The following CDK13 variants were observed in gnomAD, a reference collection of about 807,000 sequenced individuals.
CDK13 encodes cyclin dependent kinase 13.
Under a neutral mutation model 137.6 loss-of-function variants are expected in CDK13, and 40 were observed. The observed-to-expected ratio is 0.29, with a 90% CI of 0.23 to 0.38. CDK13 has a LOEUF of 0.38. CDK13 is among the 10% of genes least tolerant of loss of function. CDK13 has a pLI of 1.00. For synonymous variants in CDK13, 869 were observed against 760.1 expected, an observed-to-expected ratio of 1.14 and a Z score of -2.36; for missense variants, 1,704 against 1,951.8, an observed-to-expected ratio of 0.87 and a Z score of 2.39.
intron 1 of CDK13, among the ~76,000 whole-genome samples, chr7:39,955,552 C>T (rs142992483): frequency 1.3e-5 from 2 of 152,048 alleles, no homozygotes; most frequent in East Asian, 1.9e-4. Context: ...CACATAATGA[C>T]CTGTTTTGGT....
rs770903178 is a variant in CDK13, at chr7:39,951,652, C to T, written c.1011C>T (p.Ser337=). The change falls in exon 1 of 14, where the codon AGC becomes AGT. Residue 337 remains serine (S), a synonymous_variant. Transcript: ENST00000181839. ...VSHRASQSLR[S]RKSPSPAGGG... is the part of the protein sequence containing the mutation. ...ACAGGGCCTCTCAGAGCCTGAGGAG[C>T]CGCAAGTCCCCCAGCCCGGCAGGAG... The T allele has an allele frequency of 9.3e-5, 138 of 1,477,472 alleles. No individual in the cohort carries two copies. The highest frequency in any genetic ancestry group is 1.1e-4 in the Non-Finnish European group (120 of 1,118,696). The allele number at this position is 1,477,472 out of a possible 1,614,324, so 91.5% of individuals were successfully genotyped here.
intron 5 of CDK13, among the ~76,000 whole-genome samples, chr7:40,036,000 A>G (rs545859904): frequency 6.6e-6 from 1 of 151,986 alleles, no homozygotes; most frequent in South Asian, 2.1e-4. Context: ...TCGTCTCTAT[A>G]AAAAATTACA....
At chr7:40,066,420 A>G (rs1786280101) in intron 9 of CDK13, among the ~76,000 whole-genome samples, 2 of 152,212 alleles carry the variant, frequency 1.3e-5, no homozygotes, top group African/African-American at 4.8e-5. Context: ...GGCAAGCTGA[A>G]TGCTTGTAGC....
intron 1 of CDK13, among the ~76,000 whole-genome samples, chr7:39,962,268 C>T (rs935073950): frequency 1.5e-4 from 23 of 152,156 alleles, no homozygotes; most frequent in Non-Finnish European, 2.8e-4. Flanking sequence ...TAAAAGTGTT[C>T]CTATTTCTCC....
At chr7:39,991,610 T>C (rs1784456957) in intron 2 of CDK13, among the ~76,000 whole-genome samples, 1 of 152,000 alleles carries the variant, frequency 6.6e-6, no homozygotes, top group Non-Finnish European at 1.5e-5. Flanking sequence ...TCCCCTTCCC[T>C]CATAAATTCT....
intron 1 of CDK13, chr7:39,984,003 G>C (rs1188620288): frequency 6.6e-6 from 1 of 152,122 alleles, no homozygotes; most frequent in South Asian, 2.1e-4. Context: ...TTTTGAAAGA[G>C]GGGGGTAGAT....
intron 11 of CDK13, 23 bp downstream of exon 11, chr7:40,078,874 A>T (rs1786602863): frequency 1.1e-6 from 1 of 874,336 alleles, no homozygotes; most frequent in African/African-American, 1.8e-5. Flanking sequence ...TTATCCTATT[A>T]TTATTATATA....
chr7:39,981,264 G>T (rs1351069942), intron 1 of CDK13, among the ~76,000 whole-genome samples: 1 of 151,922 alleles, frequency 6.6e-6, no homozygotes, highest in Non-Finnish European at 1.5e-5. Context: ...GCTACTTTTG[G>T]GGGGTGGAGG....
At chr7:40,061,682 T>C (rs935388449) in intron 7 of CDK13, 2 of 152,160 alleles carry the variant, frequency 1.3e-5, no homozygotes, top group Non-Finnish European at 2.9e-5. Flanking sequence ...GATCTGAATA[T>C]ATATGTGATC....
intron 5 of CDK13, among the ~76,000 whole-genome samples, chr7:40,019,520 G>C (rs1785069146): frequency 6.6e-6 from 1 of 152,052 alleles, no homozygotes; most frequent in East Asian, 1.9e-4. Flanking sequence ...TTTCCTTTTT[G>C]GTGGACCTCA....
chr7:40,076,764 A>G (rs1457847624), intron 9 of CDK13, among the ~76,000 whole-genome samples: 2 of 152,240 alleles, frequency 1.3e-5, no homozygotes, highest in African/African-American at 4.8e-5. Context: ...CTCAGCTAAA[A>G]AAATGTCTGG....
intron 5 of CDK13, among the ~76,000 whole-genome samples, chr7:40,043,898 A>ATTTTTT (rs3045302): frequency 7.3e-6 from 1 of 137,734 alleles, no homozygotes; most frequent in Non-Finnish European, 1.5e-5. Context: ...ATTTTGTATA[A>ATTTTTT]TTTTTTTTTT....
At chr7:39,961,035 C>A (rs548345783) in intron 1 of CDK13, among the ~76,000 whole-genome samples, 44 of 152,024 alleles carry the variant, frequency 2.9e-4, no homozygotes, top group African/African-American at 1.0e-3. Context: ...TTTAACACAG[C>A]TCGAAACAGC....
chr7:40,089,729 T>A (rs933970363), intron 12 of CDK13, among the ~76,000 whole-genome samples: 59 of 127,646 alleles, frequency 4.6e-4, no homozygotes, highest in African/African-American at 1.2e-3. Context: ...AGAGAGTGTG[T>A]GTGTGTGTGT....
At chr7:40,008,262 C>T (rs995951189) in intron 5 of CDK13, among the ~76,000 whole-genome samples, 6 of 152,142 alleles carry the variant, frequency 3.9e-5, no homozygotes, top group Non-Finnish European at 5.9e-5. Context: ...AAGTTTAGTT[C>T]TTTAACTGCA....
intron 5 of CDK13, among the ~76,000 whole-genome samples, chr7:40,020,936 C>G (rs1216779915): frequency 2.0e-5 from 3 of 151,908 alleles, no homozygotes; most frequent in African/African-American, 4.8e-5. Flanking sequence ...ACCAAAAATA[C>G]AAAAATTAGC....
intron 1 of CDK13, among the ~76,000 whole-genome samples, chr7:39,960,083 T>C (rs1294280939): frequency 1.3e-5 from 2 of 151,562 alleles, no homozygotes; most frequent in Non-Finnish European, 2.9e-5. Flanking sequence ...TTTCTTTTTT[T>C]TTTTTTTCCA....
chr7:40,042,705 T>TA (rs5883715), intron 5 of CDK13, among the ~76,000 whole-genome samples: 40,134 of 150,144 alleles, frequency 0.27, 6,477 homozygotes, highest in Middle Eastern at 0.44. Context: ...TCTCAAAACT[T>TA]ACGGCCTCAA....
At chr7:40,019,974 T>C (rs746438449) in intron 5 of CDK13, among the ~76,000 whole-genome samples, 10 of 152,232 alleles carry the variant, frequency 6.6e-5, no homozygotes, top group Non-Finnish European at 1.3e-4. Context: ...ATGAAGTTTT[T>C]TTGTTATTTG....
Sources: gnomAD v4.1 joint callset for allele counts (sites outside exome capture counted in the v4.1 genomes callset) on GRCh38, gnomAD v4.1.1 for gene constraint, MANE v1.5 for transcripts, NCBI Gene and HGNC (gene_info 2026-07-23, HGNC 2026-07-21) for gene names.